Variants in USP13 observed in about 807,000 individuals in gnomAD.
USP13 encodes ubiquitin carboxyl-terminal hydrolase 13.
In USP13, 68 loss-of-function variants were observed where a neutral mutation model predicts 107.8. The ratio of observed to expected loss-of-function variants is 0.63; its 90% CI spans 0.52 to 0.77. The LOEUF (loss-of-function observed/expected upper bound fraction) is 0.77, where lower values mean the gene tolerates loss of function less well. Among genes scored for constraint, USP13 ranks in the 30% least tolerant of loss-of-function variants. The pLI is 0.00. For synonymous variants in USP13, 377 were observed against 389.5 expected, an observed-to-expected ratio of 0.97 and a Z score of 0.38; for missense variants, 945 against 1,093.3, an observed-to-expected ratio of 0.86 and a Z score of 1.91.
At chr3:179,687,330 C>T (rs778994476) in intron 2 of USP13, among the ~76,000 whole-genome samples, 3 of 152,062 alleles carry the variant, frequency 2.0e-5, no homozygotes, top group Non-Finnish European at 2.9e-5. Flanking sequence ...CTTCTCCATT[C>T]CTGCTGTTCT....
intron 19 of USP13, among the ~76,000 whole-genome samples, chr3:179,781,112 C>T (rs1715732136): frequency 6.6e-6 from 1 of 152,170 alleles, no homozygotes; most frequent in African/African-American, 2.4e-5. Context: ...AAACATTGGT[C>T]TCATCCTCTC....
intron 13 of USP13, among the ~76,000 whole-genome samples, chr3:179,745,849 G>C (rs1476364781): frequency 6.6e-6 from 1 of 152,170 alleles, no homozygotes; most frequent in Non-Finnish European, 1.5e-5. Context: ...TCAGGGTTTA[G>C]TCAGATGTCT....
intron 1 of USP13, among the ~76,000 whole-genome samples, chr3:179,666,009 A>G (rs893275438): frequency 1.3e-5 from 2 of 152,218 alleles, no homozygotes; most frequent in Non-Finnish European, 2.9e-5. Context: ...CCGAAGAGAC[A>G]GTGCTTTGGA....
intron 7 of USP13, 46 bp downstream of exon 7, chr3:179,720,080 G>A (rs773406806): frequency 6.9e-7 from 1 of 1,456,318 alleles, no homozygotes; most frequent in Non-Finnish European, 9.5e-7. Flanking sequence ...TGGGGTAGGG[G>A]TGGGGAGACG....
chr3:179,653,384 C>G lies in USP13; in HGVS notation c.159C>G (p.Tyr53Ter), dbSNP rs954172080. 1.7e-5 allele frequency: 26 copies of G among 1,560,996 alleles called. No individual in the cohort carries two copies. Among genetic ancestry groups the G allele is most frequent in the Non-Finnish European group, 1.9e-5 (22 of 1,152,694 alleles). Residue 53 changes from tyrosine to a stop codon, truncating the protein, a stop_gained, in exon 1 of 21, where the codon TAC (tyrosine) becomes TAG (stop). Coordinates refer to ENST00000263966, the MANE Select transcript of USP13 (RefSeq NM_003940.3). LOFTEE classifies it high-confidence loss of function. This position sits in a 1 kb window ranked among gnomAD's most constrained non-coding sequence, Gnocchi z 4.0. ...ACAAGAACGAGTGCGCCTTCTCCTA[C>G]GACTCTCCCGTAAGTGAGGCGCCTC... ...RVYKNECAFS[Y>*]DSPNSEGGLY...
At chr3:179,681,626 A>G (rs1426283085) in intron 1 of USP13, among the ~76,000 whole-genome samples, 2 of 151,570 alleles carry the variant, frequency 1.3e-5, no homozygotes, top group African/African-American at 2.4e-5. Flanking sequence ...GTCAGTTTAC[A>G]CTAGTTACGC....
intron 6 of USP13, among the ~76,000 whole-genome samples, chr3:179,716,070 A>C (rs979421001): frequency 6.6e-6 from 1 of 152,092 alleles, no homozygotes; most frequent in Non-Finnish European, 1.5e-5. Flanking sequence ...GATTACAGGC[A>C]TGTGCCACCA....
At chr3:179,657,463 A>G (rs1720299894) in intron 1 of USP13, among the ~76,000 whole-genome samples, 1 of 152,108 alleles carries the variant, frequency 6.6e-6, no homozygotes, top group East Asian at 1.9e-4. Flanking sequence ...GAAAGAAGAA[A>G]GAAAAATAGT....
intron 4 of USP13, among the ~76,000 whole-genome samples, chr3:179,703,891 T>G (rs1187079016): frequency 6.6e-6 from 1 of 152,216 alleles, no homozygotes; most frequent in Non-Finnish European, 1.5e-5. Flanking sequence ...GATTTAACGT[T>G]TTATAATGGC....
At chr3:179,731,237 C>A (rs547479462) in intron 10 of USP13, among the ~76,000 whole-genome samples, 2 of 152,108 alleles carry the variant, frequency 1.3e-5, no homozygotes, top group Non-Finnish European at 2.9e-5. Flanking sequence ...ATGGTGAAAC[C>A]CTGTCTCTAC....
chr3:179,755,078 T>C (rs1199611337), intron 15 of USP13, among the ~76,000 whole-genome samples: 1 of 152,040 alleles, frequency 6.6e-6, no homozygotes, highest in African/African-American at 2.4e-5. Flanking sequence ...GTGGTTGAAA[T>C]GGACAGTTTT....
chr3:179,686,756 T>C (rs990353348), intron 2 of USP13, among the ~76,000 whole-genome samples: 1 of 152,264 alleles, frequency 6.6e-6, no homozygotes, highest in Non-Finnish European at 1.5e-5. Flanking sequence ...CTGCCCAGGT[T>C]GTCAGTCACC....
At chr3:179,666,760 G>C (rs1252124878) in intron 1 of USP13, among the ~76,000 whole-genome samples, 1 of 152,142 alleles carries the variant, frequency 6.6e-6, no homozygotes, top group South Asian at 2.1e-4. Flanking sequence ...AAGAGAAACT[G>C]CTCTTTTCCC....
intron 13 of USP13, among the ~76,000 whole-genome samples, chr3:179,747,444 G>C (rs75407238): frequency 0.033 from 4,971 of 152,258 alleles, 267 homozygotes; most frequent in African/African-American, 0.11. Flanking sequence ...TGCCGACTGG[G>C]GTATTGTTCA....
intron 1 of USP13, among the ~76,000 whole-genome samples, chr3:179,659,053 G>A (rs913547543): frequency 1.3e-5 from 2 of 152,170 alleles, no homozygotes; most frequent in African/African-American, 2.4e-5. Context: ...CATTGGGACT[G>A]TTTTTTAAGA....
chr3:179,686,176 T>C (rs796972244), intron 2 of USP13, among the ~76,000 whole-genome samples: 20 of 152,338 alleles, frequency 1.3e-4, no homozygotes, highest in African/African-American at 4.3e-4. Context: ...ATGCTTTCCT[T>C]AAGCCTTTTC....
At position 179,721,305 on chromosome 3, in the gene USP13, G is replaced by A. The variant is rs1186765477; in HGVS notation, c.901-97G>A. ...CTCTATGTAATTGGGGAAAAAAATG[G>A]CAGAAACATCCTATGCTGTTAGAAA... is the stretch of plus-strand genomic sequence containing the variant. On this transcript the variant is annotated intron_variant, in intron 7 of 20. Transcript: ENST00000263966. The surrounding 1 kb of genome is among the most constrained non-coding windows in gnomAD (Gnocchi z 4.3). The A allele has an allele frequency of 7.4e-6, 10 of 1,345,292 alleles. No individual in the cohort carries two copies. Among genetic ancestry groups the A allele is most frequent in the Non-Finnish European group, 1.0e-5 (10 of 990,100 alleles). The allele number at this position is 1,345,292 out of a possible 1,614,324, so 83.3% of individuals were successfully genotyped here.
Position 179,657,762 on chromosome 3 carries a change from CAAAAAAAAAA to C in USP13, c.168+4384_168+4393del, listed in dbSNP as rs35377039. ...CTGGTGACAGAGGGGAATTCCGTCT[CAAAAAAAAAA>C]AAAAAAAAAAAAAAGAAAGAAAAAG... On this transcript the variant is annotated intron_variant, in intron 1 of 20. Coordinates refer to ENST00000263966, the MANE Select transcript of USP13 (RefSeq NM_003940.3). Among the ~76,000 whole-genome samples the C allele has an allele frequency of 5.0e-4, 37 of 73,864 alleles. No individual in the cohort carries two copies. The Middle Eastern group carries it at 0.045, about 91-fold the overall frequency. 48.5% of individuals were successfully genotyped at this position (73,864 alleles called of 152,430 possible). A position where few individuals can be genotyped will look rare whatever the true frequency, so the allele number is the denominator to read the frequency against.
chr3:179,717,077 T>A (rs1713136749), intron 6 of USP13, among the ~76,000 whole-genome samples: 1 of 152,194 alleles, frequency 6.6e-6, no homozygotes, highest in Non-Finnish European at 1.5e-5. Context: ...CTAACTGTGG[T>A]TCTTGGCTTC....
Sources: allele counts gnomAD v4.1 joint callset (sites outside exome capture counted in the v4.1 genomes callset), GRCh38; gene constraint gnomAD v4.1.1; non-coding constraint Gnocchi (gnomAD v3.1); transcripts MANE v1.5; gene names NCBI Gene and HGNC (gene_info 2026-07-23, HGNC 2026-07-21).